DTNB: variants seen among roughly 807,000 people sequenced by gnomAD.
DTNB encodes DTN-B.
A neutral mutation model predicts 90.7 loss-of-function variants in DTNB; 63 were observed. The observed-to-expected ratio is 0.69, with a 90% CI of 0.57 to 0.86. The LOEUF (loss-of-function observed/expected upper bound fraction) is 0.86. DTNB is among the 40% of genes least tolerant of loss of function. DTNB has a pLI of 0.00. For synonymous variants in DTNB, 277 were observed against 286.7 expected (o/e 0.97, Z 0.34); for missense variants, 744 against 807.1 (o/e 0.92, Z 0.95).
intron 15 of DTNB, among the ~76,000 whole-genome samples, chr2:25,425,211 G>T (rs769288872): frequency 1.3e-5 from 2 of 152,106 alleles, no homozygotes; most frequent in Non-Finnish European, 2.9e-5. Flanking sequence ...GAAAAATCCT[G>T]CTAACAGGGT....
intron 11 of DTNB, among the ~76,000 whole-genome samples, chr2:25,454,700 C>T (rs762667361): frequency 6.6e-6 from 1 of 152,280 alleles, no homozygotes; most frequent in Non-Finnish European, 1.5e-5. Context: ...CTATAGTTAG[C>T]AGTTATCAAA....
chr2:25,495,152 A>G (rs1242212233), intron 9 of DTNB, among the ~76,000 whole-genome samples: 3 of 151,588 alleles, frequency 2.0e-5, no homozygotes, highest in African/African-American at 7.3e-5. Flanking sequence ...TGCAACCTCC[A>G]CCTCCCAGGC....
Position 25,383,829 on chromosome 2 carries a change from C to T in DTNB, c.1879+7G>A. ...TTAAACGAGCAGTCCTGCTGAGCTG[C>T]CTTTACCTCTGTCTTTCCCATTCTG... is the stretch of plus-strand genomic sequence containing the variant. On this transcript the variant is annotated splice_region_variant and intron_variant, in intron 19 of 20. Transcript: ENST00000406818. 1 of 1,614,024 alleles carries T rather than the reference C, an allele frequency of 6.2e-7. No individual in the cohort carries two copies. Among genetic ancestry groups the T allele is most frequent in the South Asian group, 1.1e-5 (1 of 91,090 alleles).
chr2:25,431,779 G>A (rs1401940066), intron 14 of DTNB, among the ~76,000 whole-genome samples: 1 of 152,006 alleles, frequency 6.6e-6, no homozygotes, highest in African/African-American at 2.4e-5. Context: ...CTCTGCCCAA[G>A]TCAGCAGCAT....
chr2:25,449,977 T>C (rs967798220), intron 12 of DTNB, among the ~76,000 whole-genome samples: 4 of 152,140 alleles, frequency 2.6e-5, no homozygotes, highest in African/African-American at 9.7e-5. Context: ...TTAGCCAGGA[T>C]AGTCTCGATC....
intron 3 of DTNB, among the ~76,000 whole-genome samples, chr2:25,628,882 A>G (rs1167363399): frequency 6.6e-6 from 1 of 152,230 alleles, no homozygotes; most frequent in Non-Finnish European, 1.5e-5. Context: ...CAGAGCTCTG[A>G]ACAACTCATA....
intron 3 of DTNB, among the ~76,000 whole-genome samples, chr2:25,629,187 TGAAAA>T (rs1351969946): frequency 6.6e-6 from 1 of 152,148 alleles, no homozygotes; most frequent in African/African-American, 2.4e-5. Context: ...TTTAATGTGT[TGAAAA>T]GAAATCAAAA....
chr2:25,610,081 C>CTTAGG (rs1000501807), intron 4 of DTNB, among the ~76,000 whole-genome samples: 59 of 152,276 alleles, frequency 3.9e-4, no homozygotes, highest in African/African-American at 1.3e-3. Flanking sequence ...AGTGTGAAGT[C>CTTAGG]TGACTTAGGT....
intron 16 of DTNB, among the ~76,000 whole-genome samples, chr2:25,411,601 C>A (rs7580704): frequency 2.4e-4 from 37 of 152,148 alleles, no homozygotes; most frequent in Non-Finnish European, 3.5e-4. Context: ...GAGAGTCCTA[C>A]GTATAGCACA....
At chr2:25,482,726 T>A in intron 10 of DTNB, 70 bp downstream of exon 10, 1 of 1,528,958 alleles carries the variant, frequency 6.5e-7, no homozygotes, top group African/African-American at 1.4e-5. Context: ...TCAGGCCTCA[T>A]TTCTGGCAGG....
chr2:25,583,587 C>G (rs1463647967), intron 6 of DTNB, among the ~76,000 whole-genome samples: 1 of 151,400 alleles, frequency 6.6e-6, no homozygotes, highest in Non-Finnish European at 1.5e-5. Context: ...AGTGGCGCAA[C>G]CTTGGCTCAC....
intron 15 of DTNB, among the ~76,000 whole-genome samples, chr2:25,427,229 TTAAG>T (rs1269615081): frequency 3.8e-5 from 5 of 132,812 alleles, no homozygotes; most frequent in South Asian, 2.3e-4. Flanking sequence ...ACACACTACT[TTAAG>T]TAGTTGAGAA....
intron 10 of DTNB, among the ~76,000 whole-genome samples, chr2:25,467,299 CTTTTT>C (rs11345885): frequency 1.7e-5 from 2 of 120,136 alleles, no homozygotes; most frequent in Non-Finnish European, 3.4e-5. Flanking sequence ...TTCTTTCTTT[CTTTTT>C]TTTTTTTTTT....
chr2:25,381,197 ATGTGCG>A (rs1001743776), intron 19 of DTNB, among the ~76,000 whole-genome samples: 21 of 151,834 alleles, frequency 1.4e-4, no homozygotes, highest in African/African-American at 3.9e-4. Flanking sequence ...GTGCATGTGC[ATGTGCG>A]TGTGCGTGTG....
At chr2:25,621,496 A>G (rs2148655571) in intron 4 of DTNB, among the ~76,000 whole-genome samples, 1 of 147,264 alleles carries the variant, frequency 6.8e-6, no homozygotes. Context: ...GCCCAGGCTG[A>G]AGTGCAGTGG....
chr2:25,386,600 TAGG>T (rs779753284), intron 18 of DTNB, among the ~76,000 whole-genome samples: 2 of 152,126 alleles, frequency 1.3e-5, no homozygotes, highest in Non-Finnish European at 2.9e-5. Flanking sequence ...TTCCTGGAGA[TAGG>T]AGGATACGTG....
chr2:25,445,960 C>T (rs1424596065), intron 12 of DTNB, among the ~76,000 whole-genome samples: 2 of 144,910 alleles, frequency 1.4e-5, no homozygotes, highest in South Asian at 2.3e-4. Flanking sequence ...AGCTTAGTTT[C>T]CTCAACAAGA....
Position 25,584,190 on chromosome 2 carries a change from T to C in DTNB, c.604-3364A>G, listed in dbSNP as rs145853742. ...AATACTAAGACATTATTGGTCTTTT[T>C]CAATCTAATTCTCTGAAGAGTGTAC... On this transcript the variant is annotated intron_variant, in intron 6 of 20. Transcript: ENST00000406818. 8.6e-3 allele frequency among the ~76,000 whole-genome samples: 1,303 copies of C among 152,362 alleles called. 19 individuals carry two copies. Among genetic ancestry groups the C allele is most frequent in the Admixed American group, 0.012 (181 of 15,308 alleles).
At chr2:25,517,085 G>A (rs989288952) in intron 9 of DTNB, among the ~76,000 whole-genome samples, 5 of 152,110 alleles carry the variant, frequency 3.3e-5, no homozygotes, top group Admixed American at 6.5e-5. Flanking sequence ...ATAACAAAAT[G>A]TGATCTATTC....
Sources: allele counts gnomAD v4.1 joint callset (sites outside exome capture counted in the v4.1 genomes callset), GRCh38; gene constraint gnomAD v4.1.1; transcripts MANE v1.5; gene names NCBI Gene and HGNC (gene_info 2026-07-23, HGNC 2026-07-21).